The following CSMD1 variants were observed in gnomAD, a reference collection of about 807,000 sequenced individuals.
CSMD1 encodes CUB and Sushi multiple domains 1, also known as CUB and sushi domain-containing protein 1.
CSMD1 carries 213 observed loss-of-function variants against 417.5 expected under a neutral mutation model. The ratio of observed to expected loss-of-function variants is 0.51; its 90% CI spans 0.46 to 0.57. The LOEUF (loss-of-function observed/expected upper bound fraction) is 0.57. Ranked by LOEUF, CSMD1 falls within the 20% of genes least tolerant of loss-of-function variation. The probability of loss-of-function intolerance (pLI) is 0.00; values close to 1 mark genes in which losing one functional copy is unlikely to be tolerated. For missense variants in CSMD1, 6,923 were observed against 4,529.7 expected (o/e 1.53, Z -15.17); for synonymous variants, 2,862 against 1,736.8 (o/e 1.65, Z -16.11).
At chr8:2,954,317 G>C (rs1437240757) in intron 64 of CSMD1, 49 bp from the exon 65 acceptor site, 2 of 1,165,164 alleles carry the variant, frequency 1.7e-6, no homozygotes, top group East Asian at 2.6e-5. Flanking sequence ...ATTTATTTTT[G>C]AGTAAGTTTG....
chr8:3,943,395 A>C (rs1380590407), intron 5 of CSMD1, among the ~76,000 whole-genome samples: 5 of 147,498 alleles, frequency 3.4e-5, no homozygotes, highest in African/African-American at 1.3e-4. Flanking sequence ...GTTATATTAG[A>C]ATGTCTTATA....
intron 23 of CSMD1, among the ~76,000 whole-genome samples, chr8:3,310,898 T>C (rs1420695393): frequency 2.0e-5 from 3 of 151,712 alleles, no homozygotes; most frequent in Non-Finnish European, 4.4e-5. Context: ...AAAAAAAGTT[T>C]TTAAAAAGAG....
intron 5 of CSMD1, among the ~76,000 whole-genome samples, chr8:3,925,655 T>C (rs996183839): frequency 9.2e-5 from 14 of 151,948 alleles, no homozygotes; most frequent in African/African-American, 2.4e-5. Context: ...TATCAGAGGT[T>C]TCCACTTTTG....
At chr8:3,371,169 G>T (rs1049367439) in intron 18 of CSMD1, among the ~76,000 whole-genome samples, 1 of 152,102 alleles carries the variant, frequency 6.6e-6, no homozygotes, top group African/African-American at 2.4e-5. Flanking sequence ...TGTCTAGCTT[G>T]CAGAAGGCAG....
chr8:3,843,493 G>T (rs777923910), intron 5 of CSMD1, among the ~76,000 whole-genome samples: 2 of 151,832 alleles, frequency 1.3e-5, no homozygotes, highest in African/African-American at 4.8e-5. Context: ...TTGTGTACAT[G>T]AAACATGAGA....
chr8:4,254,165 C>T (rs1287554945), intron 3 of CSMD1, among the ~76,000 whole-genome samples: 2 of 152,026 alleles, frequency 1.3e-5, no homozygotes, highest in Non-Finnish European at 1.5e-5. Flanking sequence ...GATCCACCCG[C>T]CTTGGCCTCC....
At chr8:4,661,566 G>A (rs1804610012) in intron 1 of CSMD1, among the ~76,000 whole-genome samples, 1 of 152,122 alleles carries the variant, frequency 6.6e-6, no homozygotes, top group Non-Finnish European at 1.5e-5. Context: ...TATCTCCAAT[G>A]TGTTCATCTC....
intron 2 of CSMD1, among the ~76,000 whole-genome samples, chr8:4,573,994 G>T (rs937560947): frequency 6.6e-6 from 1 of 152,172 alleles, no homozygotes; most frequent in African/African-American, 2.4e-5. Flanking sequence ...AAGTCTCCCA[G>T]CTCGACTTCA....
intron 48 of CSMD1, among the ~76,000 whole-genome samples, chr8:3,087,602 G>A (rs1814637638): frequency 6.6e-6 from 1 of 152,198 alleles, no homozygotes. Context: ...ATTGTCTTGG[G>A]CCACACATAA....
intron 7 of CSMD1, among the ~76,000 whole-genome samples, chr8:3,669,075 T>C (rs1005960544): frequency 2.6e-5 from 4 of 152,124 alleles, no homozygotes; most frequent in African/African-American, 9.7e-5. Context: ...ACGACCCCAC[T>C]AGAAATATGA....
At chr8:3,574,904 G>A (rs371958075) in intron 10 of CSMD1, 41 bp downstream of exon 10, 88 of 1,605,452 alleles carry the variant, frequency 5.5e-5, no homozygotes, top group Non-Finnish European at 7.5e-5. Context: ...CTATAAGAGT[G>A]CTGTGTGCAT....
At chr8:4,023,461 T>C (rs1375209621) in intron 4 of CSMD1, among the ~76,000 whole-genome samples, 1 of 152,120 alleles carries the variant, frequency 6.6e-6, no homozygotes, top group Non-Finnish European at 1.5e-5. Flanking sequence ...CTGGGTTGAG[T>C]AGCATTAGGG....
intron 3 of CSMD1, among the ~76,000 whole-genome samples, chr8:4,130,518 A>G (rs1369337532): frequency 6.6e-6 from 1 of 152,070 alleles, no homozygotes; most frequent in Non-Finnish European, 1.5e-5. Context: ...GGCTTTCTGA[A>G]GTTTTGCATT....
intron 37 of CSMD1, among the ~76,000 whole-genome samples, chr8:3,168,790 T>C (rs1177212106): frequency 6.6e-6 from 1 of 151,078 alleles, no homozygotes; most frequent in Non-Finnish European, 1.5e-5. Context: ...TGTTGGCAGG[T>C]TTGACACATA....
intron 20 of CSMD1, among the ~76,000 whole-genome samples, chr8:3,363,083 G>A (rs61387949): frequency 6.6e-6 from 1 of 152,136 alleles, no homozygotes; most frequent in South Asian, 2.1e-4. Context: ...TCTGGCCACA[G>A]TGCCCCTCTG....
intron 3 of CSMD1, among the ~76,000 whole-genome samples, chr8:4,223,525 G>C (rs927425257): frequency 6.6e-6 from 1 of 152,214 alleles, no homozygotes; most frequent in East Asian, 1.9e-4. Context: ...CCACACCACT[G>C]CTCGTTAATA....
At chr8:3,941,489 T>A (rs1438950339) in intron 5 of CSMD1, among the ~76,000 whole-genome samples, 1 of 152,190 alleles carries the variant, frequency 6.6e-6, no homozygotes, top group Non-Finnish European at 1.5e-5. Flanking sequence ...CCTCAAGGTA[T>A]CTGAATAAAA....
chr8:3,388,272 T>A (rs1811135452), intron 17 of CSMD1, among the ~76,000 whole-genome samples: 1 of 152,354 alleles, frequency 6.6e-6, no homozygotes, highest in East Asian at 1.9e-4. Context: ...TATTAGCCTT[T>A]GCTAACGATG....
chr8:4,850,421 A>G lies in CSMD1; in HGVS notation c.85+143911T>C, dbSNP rs149843870. 7.7e-3 allele frequency among the ~76,000 whole-genome samples: 813 copies of G among 105,204 alleles called. 12 individuals carry two copies. Among genetic ancestry groups the G allele is most frequent in the African/African-American group, 0.035 (779 of 21,994 alleles). The allele number at this position is 105,204 out of a possible 152,430, so 69.0% of individuals were successfully genotyped here. The stretch of plus-strand genomic sequence containing the variant: ...TTTTTTTTTTGCTCTTGCCTTTAGT[A>G]AAAAACATCTTTACTCTTTTTTCAT... On this transcript the variant is annotated intron_variant, in intron 1 of 69. Transcript: ENST00000635120.
Sources: gnomAD v4.1 joint callset for allele counts (sites outside exome capture counted in the v4.1 genomes callset) on GRCh38, gnomAD v4.1.1 for gene constraint, MANE v1.5 for transcripts, NCBI Gene and HGNC (gene_info 2026-07-23, HGNC 2026-07-21) for gene names.